Variants in FHIT observed in about 807,000 individuals in gnomAD.
FHIT encodes the protein fragile histidine triad diadenosine triphosphatase, also known as bis(5'-adenosyl)-triphosphatase.
In FHIT, 19 loss-of-function variants were observed where a neutral mutation model predicts 17.9. The observed-to-expected ratio is 1.06, with a 90% CI of 0.74 to 1.56. The LOEUF (loss-of-function observed/expected upper bound fraction) is 1.56. Ranked by LOEUF, FHIT falls within the 40% of genes most tolerant of loss-of-function variation. The probability of loss-of-function intolerance (pLI) is 0.00; values close to 1 mark genes in which losing one functional copy is unlikely to be tolerated. For synonymous variants in FHIT, 81 were observed against 69.7 expected (o/e 1.16, Z -0.81); for missense variants, 248 against 189.2 (o/e 1.31, Z -1.82).
intron 5 of FHIT, among the ~76,000 whole-genome samples, chr3:60,363,070 A>G (rs1032451286): frequency 1.3e-5 from 2 of 152,218 alleles, no homozygotes; most frequent in African/African-American, 2.4e-5. Flanking sequence ...AGAGACAGGT[A>G]AAAGTTTCCA....
intron 5 of FHIT, among the ~76,000 whole-genome samples, chr3:60,376,463 G>C (rs1428766602): frequency 1.3e-5 from 2 of 152,172 alleles, no homozygotes; most frequent in Non-Finnish European, 2.9e-5. Context: ...GGTTGCCACA[G>C]ATTTTTCATA....
intron 4 of FHIT, among the ~76,000 whole-genome samples, chr3:60,587,386 C>A (rs1187548070): frequency 6.6e-6 from 1 of 151,862 alleles, no homozygotes; most frequent in Admixed American, 6.6e-5. Flanking sequence ...AGCATTAGGA[C>A]AAATAGCTAA....
At position 59,782,431 on chromosome 3, in the gene FHIT, T is replaced by G. The variant is rs557211286; in HGVS notation, c.349-30110A>C. On this transcript the variant is annotated intron_variant, in intron 8 of 9. Coordinates refer to ENST00000492590, the MANE Select transcript of FHIT (RefSeq NM_002012.4). ...TTCCATCCACAGCCTCTACATCCATTAAATAAAGAGAAACTCAGTGCTCAT... is the reference window on the plus strand; with the variant it reads ...TTCCATCCACAGCCTCTACATCCATGAAATAAAGAGAAACTCAGTGCTCAT... 1.5e-4 allele frequency among the ~76,000 whole-genome samples: 23 copies of G among 152,330 alleles called. 1 individual carries two copies. The South Asian group carries it at 4.8e-3, about 32-fold the overall frequency.
intron 5 of FHIT, among the ~76,000 whole-genome samples, chr3:60,252,485 C>A (rs1384798612): frequency 3.9e-5 from 6 of 151,974 alleles, no homozygotes; most frequent in Admixed American, 1.3e-4. Flanking sequence ...ATCACTTGAG[C>A]ATAGGGGGGT....
intron 5 of FHIT, among the ~76,000 whole-genome samples, chr3:60,346,881 A>C (rs1177792215): frequency 1.3e-5 from 2 of 152,176 alleles, no homozygotes; most frequent in African/African-American, 2.4e-5. Context: ...TTTCTTAGAA[A>C]TTTTATGTTT....
intron 5 of FHIT, among the ~76,000 whole-genome samples, chr3:60,324,741 T>A (rs1461751686): frequency 6.6e-6 from 1 of 152,160 alleles, no homozygotes; most frequent in Non-Finnish European, 1.5e-5. Flanking sequence ...AATTATTCAT[T>A]TGTTTTACTC....
intron 3 of FHIT, among the ~76,000 whole-genome samples, chr3:61,017,536 G>A (rs1022138185): frequency 6.6e-6 from 1 of 152,142 alleles, no homozygotes; most frequent in Admixed American, 6.5e-5. Flanking sequence ...CTAGGAATCC[G>A]ATGTATCATT....
At chr3:61,160,137 T>C (rs2107088503) in intron 2 of FHIT, among the ~76,000 whole-genome samples, 1 of 152,318 alleles carries the variant, frequency 6.6e-6, no homozygotes, top group Admixed American at 6.5e-5. Context: ...ATAATTTAGC[T>C]GGAGAATTTG....
intron 3 of FHIT, among the ~76,000 whole-genome samples, chr3:60,908,646 G>A (rs1263159002): frequency 6.6e-6 from 1 of 150,950 alleles, no homozygotes; most frequent in East Asian, 2.0e-4. Context: ...AAATGGAAAG[G>A]GAAATGTCAG....
chr3:60,037,090 C>T (rs145149031), intron 5 of FHIT, among the ~76,000 whole-genome samples: 205 of 152,282 alleles, frequency 1.3e-3, no homozygotes, highest in African/African-American at 4.6e-3. Flanking sequence ...CACGGTCCGA[C>T]GTTAAGACAT....
chr3:60,304,285 C>A (rs6764575), intron 5 of FHIT, among the ~76,000 whole-genome samples: 12 of 152,060 alleles, frequency 7.9e-5, no homozygotes, highest in African/African-American at 2.9e-4. Context: ...AGTAAATCAA[C>A]AATTGCTGCC....
intron 5 of FHIT, among the ~76,000 whole-genome samples, chr3:60,067,587 GCTTAA>G (rs1271441807): frequency 3.9e-5 from 6 of 152,174 alleles, no homozygotes; most frequent in African/African-American, 7.2e-5. Flanking sequence ...GCTCATCACA[GCTTAA>G]CTTATCAATT....
intron 5 of FHIT, among the ~76,000 whole-genome samples, chr3:60,394,162 G>A (rs1246014460): frequency 6.6e-6 from 1 of 152,144 alleles, no homozygotes; most frequent in Admixed American, 6.6e-5. Flanking sequence ...GGTCAGAGGT[G>A]TAGGAATGGG....
At chr3:60,371,570 G>C (rs1376082932) in intron 5 of FHIT, among the ~76,000 whole-genome samples, 1 of 151,856 alleles carries the variant, frequency 6.6e-6, no homozygotes, top group African/African-American at 2.4e-5. Context: ...TTACTACAAG[G>C]CTCTTCTTTT....
At chr3:61,042,795 G>T (rs1421620299) in intron 2 of FHIT, among the ~76,000 whole-genome samples, 1 of 151,244 alleles carries the variant, frequency 6.6e-6, no homozygotes, top group Non-Finnish European at 1.5e-5. Flanking sequence ...AGCCAAGATG[G>T]TGCCACTGCA....
At chr3:61,210,378 T>A (rs1576226070) in intron 1 of FHIT, among the ~76,000 whole-genome samples, 1 of 152,340 alleles carries the variant, frequency 6.6e-6, no homozygotes, top group South Asian at 2.1e-4. Flanking sequence ...TGCTGCCTTT[T>A]GTTTGTCTGT....
At chr3:60,079,940 A>AT (rs796952577) in intron 5 of FHIT, among the ~76,000 whole-genome samples, 4 of 152,132 alleles carry the variant, frequency 2.6e-5, no homozygotes, top group African/African-American at 4.8e-5. Flanking sequence ...CTAATGATAG[A>AT]TTTTTTTTCT....
intron 8 of FHIT, among the ~76,000 whole-genome samples, chr3:59,821,617 T>C (rs1053565051): frequency 6.6e-6 from 1 of 152,156 alleles, no homozygotes; most frequent in Non-Finnish European, 1.5e-5. Flanking sequence ...GGCTTACCAG[T>C]GCAGCATTCA....
chr3:60,338,363 T>C (rs1710346049), intron 5 of FHIT, among the ~76,000 whole-genome samples: 1 of 152,174 alleles, frequency 6.6e-6, no homozygotes, highest in Non-Finnish European at 1.5e-5. Flanking sequence ...AGATCCTATT[T>C]ATTTATTTAC....
Sources: gnomAD v4.1 joint callset for allele counts (sites outside exome capture counted in the v4.1 genomes callset) on GRCh38, gnomAD v4.1.1 for gene constraint, MANE v1.5 for transcripts, NCBI Gene and HGNC (gene_info 2026-07-23, HGNC 2026-07-21) for gene names.